The following WWOX variants were observed in gnomAD, a reference collection of about 807,000 sequenced individuals.
WWOX encodes WW domain containing oxidoreductase.
In WWOX, 69 loss-of-function variants were observed where a neutral mutation model predicts 46.2. The ratio of observed to expected loss-of-function variants is 1.49; its 90% CI spans 1.23 to 1.82. The LOEUF is 1.82. WWOX is among the 40% of genes most tolerant of loss of function. The pLI, the probability that WWOX is intolerant of heterozygous loss-of-function variation, is 0.00. For synonymous variants in WWOX, 359 were observed against 202.6 expected, an observed-to-expected ratio of 1.77 and a Z score of -6.56; for missense variants, 919 against 542.6, an observed-to-expected ratio of 1.69 and a Z score of -6.89.
intron 8 of WWOX, among the ~76,000 whole-genome samples, chr16:78,940,918 T>C (rs2045839486): frequency 6.6e-6 from 1 of 152,004 alleles, no homozygotes; most frequent in African/African-American, 2.4e-5. Context: ...TCCATTTGCT[T>C]GGATCCCAAG....
intron 8 of WWOX, among the ~76,000 whole-genome samples, chr16:78,555,307 C>T (rs967442878): frequency 6.6e-6 from 1 of 152,044 alleles, no homozygotes; most frequent in South Asian, 2.1e-4. Context: ...GGGAAAGGTA[C>T]TCTTTTTTAT....
intron 8 of WWOX, among the ~76,000 whole-genome samples, chr16:78,946,102 A>T (rs1372566413): frequency 6.6e-6 from 1 of 152,206 alleles, no homozygotes; most frequent in Admixed American, 6.5e-5. Flanking sequence ...GTGGTTGTTC[A>T]GGAAATTCCT....
rs532873352 is a variant in WWOX at position 78,697,865 on chromosome 16, A to C, written c.1056+265113A>C. Among the ~76,000 whole-genome samples the C allele has an allele frequency of 3.9e-5, 6 of 152,260 alleles. No individual in the cohort carries two copies. In the South Asian group the frequency reaches 6.2e-4, roughly 16 times the overall value. On this transcript the variant is annotated intron_variant, in intron 8 of 8. Coordinates refer to ENST00000566780, the MANE Select transcript of WWOX (RefSeq NM_016373.4). ...TGACAATACCCCATGAAGGAGGTGC[A>C]ATTACCCCTGGCTTAGGGTTGAGAA...
intron 8 of WWOX, among the ~76,000 whole-genome samples, chr16:78,540,241 A>C (rs1233496288): frequency 8.1e-6 from 1 of 123,000 alleles, no homozygotes; most frequent in Non-Finnish European, 1.8e-5. Flanking sequence ...GGAGCAACAG[A>C]AAAAAAAAAA....
At chr16:78,217,059 T>G (rs2036745820) in intron 5 of WWOX, among the ~76,000 whole-genome samples, 1 of 152,138 alleles carries the variant, frequency 6.6e-6, no homozygotes, top group Non-Finnish European at 1.5e-5. Context: ...TTAACAACCT[T>G]AATTTCACCG....
chr16:78,837,857 C>G (rs1157327556), intron 8 of WWOX, among the ~76,000 whole-genome samples: 1 of 152,076 alleles, frequency 6.6e-6, no homozygotes, highest in African/African-American at 2.4e-5. Context: ...GTAGAAATAT[C>G]AATAAATATA....
intron 8 of WWOX, among the ~76,000 whole-genome samples, chr16:78,661,188 C>T (rs1029832554): frequency 1.3e-5 from 2 of 152,112 alleles, no homozygotes; most frequent in Non-Finnish European, 2.9e-5. Flanking sequence ...ATGGTTAAAC[C>T]AATTTCCTCT....
At chr16:78,439,693 A>G (rs940371688) in intron 8 of WWOX, among the ~76,000 whole-genome samples, 1 of 152,234 alleles carries the variant, frequency 6.6e-6, no homozygotes, top group Non-Finnish European at 1.5e-5. Context: ...TTTAGGCCGC[A>G]AGTTATTAAC....
chr16:78,650,660 A>T (rs1004057205), intron 8 of WWOX, among the ~76,000 whole-genome samples: 1 of 152,238 alleles, frequency 6.6e-6, no homozygotes, highest in Non-Finnish European at 1.5e-5. Context: ...GTTCTCAGGA[A>T]ACCAGATTTA....
At chr16:78,763,084 G>T (rs1218788975) in intron 8 of WWOX, among the ~76,000 whole-genome samples, 19 of 152,172 alleles carry the variant, frequency 1.2e-4, no homozygotes, top group Admixed American at 1.2e-3. Flanking sequence ...GATTTTTCCT[G>T]AGCACCTACT....
At chr16:78,927,168 G>A (rs1375634126) in intron 8 of WWOX, among the ~76,000 whole-genome samples, 1 of 152,192 alleles carries the variant, frequency 6.6e-6, no homozygotes, top group African/African-American at 2.4e-5. Context: ...TGTATAAAAT[G>A]GACCTTGTTT....
rs963967830 is a variant in WWOX, at chr16:78,452,521, G to C, written c.1056+19769G>C. Among the ~76,000 whole-genome samples, 77 of 138,792 alleles carry C rather than the reference G, an allele frequency of 5.5e-4. No homozygotes were observed. The Middle Eastern group carries it at 0.016, about 28-fold the overall frequency. 91.1% of individuals were successfully genotyped at this position (138,792 alleles called of 152,430 possible). A position where few individuals can be genotyped will look rare whatever the true frequency, so the allele number is the denominator to read the frequency against. On this transcript the variant is annotated intron_variant, in intron 8 of 8. Coordinates refer to ENST00000566780, the MANE Select transcript of WWOX (RefSeq NM_016373.4). Reference sequence around the variant, plus strand: ...AGACGGAGTCTTATTCTGTTGCCCAGGCTGGAGTGCAGTGGCGGATCTTGG... The same window carrying C: ...AGACGGAGTCTTATTCTGTTGCCCACGCTGGAGTGCAGTGGCGGATCTTGG...
chr16:78,994,013 G>T (rs1333824619), intron 8 of WWOX, among the ~76,000 whole-genome samples: 1 of 152,162 alleles, frequency 6.6e-6, no homozygotes, highest in Non-Finnish European at 1.5e-5. Context: ...TACGACGAGG[G>T]TACCCTGGAC....
chr16:78,866,115 C>G (rs2043997722), intron 8 of WWOX, among the ~76,000 whole-genome samples: 2 of 152,166 alleles, frequency 1.3e-5, no homozygotes. Flanking sequence ...AAAAATTGAT[C>G]TCTTTCTCTT....
intron 8 of WWOX, among the ~76,000 whole-genome samples, chr16:78,589,843 G>T (rs926715249): frequency 1.1e-4 from 17 of 152,158 alleles, no homozygotes; most frequent in African/African-American, 4.1e-4. Context: ...CATTAACTAT[G>T]ATGCTACTTC....
intron 8 of WWOX, among the ~76,000 whole-genome samples, chr16:78,827,487 A>G (rs908608159): frequency 6.6e-6 from 1 of 151,780 alleles, no homozygotes; most frequent in Non-Finnish European, 1.5e-5. Flanking sequence ...TTCCAGCCCC[A>G]TTTTCTGGCA....
At chr16:78,996,666 A>G (rs1426732075) in intron 8 of WWOX, among the ~76,000 whole-genome samples, 1 of 152,080 alleles carries the variant, frequency 6.6e-6, no homozygotes, top group Non-Finnish European at 1.5e-5. Context: ...ACATCCCCCC[A>G]AAATGTGGGG....
chr16:78,395,972 C>T (rs7185632), intron 6 of WWOX, among the ~76,000 whole-genome samples: 79,811 of 151,928 alleles, frequency 0.53, 22,729 homozygotes, highest in Non-Finnish European at 0.66. Flanking sequence ...AAGTGAGGTA[C>T]AGCAGGACAC....
At chr16:78,839,337 C>T (rs926825578) in intron 8 of WWOX, among the ~76,000 whole-genome samples, 1 of 152,236 alleles carries the variant, frequency 6.6e-6, no homozygotes, top group African/African-American at 2.4e-5. Context: ...TAACTATCCC[C>T]TGGCTTGGTA....
Sources: gnomAD v4.1 joint callset for allele counts (sites outside exome capture counted in the v4.1 genomes callset) on GRCh38, gnomAD v4.1.1 for gene constraint, MANE v1.5 for transcripts, NCBI Gene and HGNC (gene_info 2026-07-23, HGNC 2026-07-21) for gene names.